Variants in KHDRBS1 observed in about 807,000 individuals in gnomAD.
The protein encoded by KHDRBS1 is KH domain-containing, RNA-binding, signal transduction-associated protein 1.
A neutral mutation model predicts 48.4 loss-of-function variants in KHDRBS1; 7 were observed. The ratio of observed to expected loss-of-function variants is 0.14; its 90% CI spans 0.08 to 0.27. The LOEUF (loss-of-function observed/expected upper bound fraction) is 0.27, where lower values mean the gene tolerates loss of function less well. KHDRBS1 is among the 10% of genes least tolerant of loss of function. The pLI, the probability that KHDRBS1 is intolerant of heterozygous loss-of-function variation, is 1.00. For missense variants in KHDRBS1, 458 were observed against 601.2 expected (o/e 0.76, Z 2.49); for synonymous variants, 241 against 235.8 (o/e 1.02, Z -0.20).
chr1:32,050,595 C>T (rs937475506), intron 10 of KHDRBS1, among the ~76,000 whole-genome samples: 1 of 151,960 alleles, frequency 6.6e-6, no homozygotes, highest in Non-Finnish European at 1.5e-5. Context: ...TCACTGCAAC[C>T]TCCAGCTCCC....
At chr1:32,041,389 C>G (rs1639280197) in intron 8 of KHDRBS1, among the ~76,000 whole-genome samples, 1 of 152,054 alleles carries the variant, frequency 6.6e-6, no homozygotes. Flanking sequence ...CAGGGATGAA[C>G]TAGCGTGTGT....
At chr1:32,052,190 A>G (rs562807531) in intron 10 of KHDRBS1, 39 of 152,342 alleles carry the variant, frequency 2.6e-4, no homozygotes, top group African/African-American at 8.4e-4. Flanking sequence ...TGCATAGCAC[A>G]TTAGGACAGG....
Position 32,033,368 on chromosome 1 carries a change from A to G in KHDRBS1, c.771+34A>G, listed in dbSNP as rs999589690. The G allele has an allele frequency of 1.1e-5, 18 of 1,610,308 alleles. No individual in the cohort carries two copies. The African/African-American group carries it at 2.3e-4, about 20-fold the overall frequency. On this transcript the variant is annotated intron_variant, in intron 4 of 8. Coordinates refer to ENST00000327300, the MANE Select transcript of KHDRBS1 (RefSeq NM_006559.3). ...ATCCATATCCTGTGTCTTCTGAGCA[A>G]AAGAGAACTGGGATCTTATACTGTT...
At chr1:32,057,017 G>T (rs889216472) in intron 10 of KHDRBS1, among the ~76,000 whole-genome samples, 13 of 152,140 alleles carry the variant, frequency 8.5e-5, no homozygotes, top group African/African-American at 3.1e-4. Context: ...TGCAATGAGG[G>T]TATACAACCT....
chr1:32,053,980 A>C (rs1418275708), intron 10 of KHDRBS1, among the ~76,000 whole-genome samples: 1 of 152,150 alleles, frequency 6.6e-6, no homozygotes, highest in African/African-American at 2.4e-5. Context: ...GCTACTCGGG[A>C]GGCTGAGGCA....
intron 10 of KHDRBS1, among the ~76,000 whole-genome samples, chr1:32,051,517 G>A (rs1234667141): frequency 6.6e-6 from 1 of 152,206 alleles, no homozygotes; most frequent in Non-Finnish European, 1.5e-5. Flanking sequence ...ACTGCAGGCT[G>A]CTAAAGTGGG....
intron 8 of KHDRBS1, among the ~76,000 whole-genome samples, chr1:32,040,182 G>A (rs1391579480): frequency 2.6e-5 from 4 of 152,178 alleles, no homozygotes; most frequent in African/African-American, 9.7e-5. Flanking sequence ...GCGAGGCCGA[G>A]GCAGGCGGAT....
At chr1:32,017,599 A>AC (rs1638767784) in intron 1 of KHDRBS1, among the ~76,000 whole-genome samples, 1 of 85,844 alleles carries the variant, frequency 1.2e-5, no homozygotes, top group Non-Finnish European at 2.2e-5. Flanking sequence ...TTCTTTTTCT[A>AC]CTTTTTTTTT....
intron 4 of KHDRBS1, among the ~76,000 whole-genome samples, chr1:32,036,163 ATTTTTTTTTTTTTTT>A (rs397742842): frequency 3.3e-5 from 2 of 60,466 alleles, no homozygotes; most frequent in Non-Finnish European, 5.6e-5. Context: ...CATTTTGAAG[ATTTTTTTTTTTTTTT>A]TTTTTTTTTT....
chr1:32,049,524 T>C (rs1404554625), intron 10 of KHDRBS1, among the ~76,000 whole-genome samples: 1 of 152,160 alleles, frequency 6.6e-6, no homozygotes, highest in Non-Finnish European at 1.5e-5. Context: ...TATTTCTACT[T>C]TTTGGCTATT....
intron 5 of KHDRBS1, 127 bp from the exon 6 acceptor site, chr1:32,037,708 G>C (rs1639208928): frequency 9.7e-7 from 1 of 1,027,402 alleles, no homozygotes; most frequent in African/African-American, 1.6e-5. Context: ...ACATTCCTCT[G>C]TGCTTTAATA....
intron 1 of KHDRBS1, among the ~76,000 whole-genome samples, chr1:32,018,613 C>T (rs1284094298): frequency 3.3e-5 from 5 of 152,000 alleles, no homozygotes; most frequent in East Asian, 1.9e-4. Context: ...AAAAATTAGC[C>T]GGGCGCAGTG....
chr1:32,020,423 C>CAA (rs938260035), intron 1 of KHDRBS1, among the ~76,000 whole-genome samples: 1 of 144,692 alleles, frequency 6.9e-6, no homozygotes, highest in Non-Finnish European at 1.5e-5. Flanking sequence ...GATCCTGTCT[C>CAA]AAAAAAAAAA....
At chr1:32,021,101 A>G (rs1371201351) in intron 1 of KHDRBS1, among the ~76,000 whole-genome samples, 1 of 152,158 alleles carries the variant, frequency 6.6e-6, no homozygotes, top group African/African-American at 2.4e-5. Context: ...CTGCATATAA[A>G]TCTAAAATTG....
At chr1:32,019,441 T>G (rs371614351) in intron 1 of KHDRBS1, among the ~76,000 whole-genome samples, 3 of 151,884 alleles carry the variant, frequency 2.0e-5, no homozygotes, top group African/African-American at 7.3e-5. Context: ...TGCCGGCTAC[T>G]TGGAAGGCTG....
At chr1:32,053,468 G>A (rs751553457) in intron 10 of KHDRBS1, among the ~76,000 whole-genome samples, 17 of 152,070 alleles carry the variant, frequency 1.1e-4, no homozygotes, top group Non-Finnish European at 1.9e-4. Context: ...ATAGCTCGCT[G>A]CAGCCTTGAA....
intron 1 of KHDRBS1, among the ~76,000 whole-genome samples, chr1:32,021,103 C>G (rs893291371): frequency 6.6e-6 from 1 of 151,676 alleles, no homozygotes; most frequent in Admixed American, 6.6e-5. Flanking sequence ...GCATATAAAT[C>G]TAAAATTGCC....
intron 10 of KHDRBS1, among the ~76,000 whole-genome samples, chr1:32,050,731 G>A (rs1016749072): frequency 6.6e-6 from 1 of 151,242 alleles, no homozygotes; most frequent in Non-Finnish European, 1.5e-5. Flanking sequence ...GCCAGGCCAG[G>A]CTGGTCTTGA....
At chr1:32,048,877 C>T (rs575449110), downstream of KHDRBS1, among the ~76,000 whole-genome samples, 1 of 151,964 alleles carries the variant, frequency 6.6e-6, no homozygotes, top group Non-Finnish European at 1.5e-5. Flanking sequence ...TTTATTCCCT[C>T]CAGCCGTAGG....
Sources: allele counts gnomAD v4.1 joint callset (sites outside exome capture counted in the v4.1 genomes callset), GRCh38; gene constraint gnomAD v4.1.1; transcripts MANE v1.5; gene names NCBI Gene and HGNC (gene_info 2026-07-23, HGNC 2026-07-21).